SSUH2: variants seen among roughly 807,000 people sequenced by gnomAD.
The protein encoded by SSUH2 is ssu-2 homolog, also known as protein SSUH2 homolog.
A neutral mutation model predicts 55.3 loss-of-function variants in SSUH2; 47 were observed. The observed-to-expected ratio is 0.85, with a 90% CI of 0.67 to 1.08. The LOEUF (loss-of-function observed/expected upper bound fraction) is 1.08. Ranked by LOEUF, SSUH2 falls within the 50% of genes least tolerant of loss-of-function variation. The pLI, the probability that SSUH2 is intolerant of heterozygous loss-of-function variation, is 0.00. For missense variants in SSUH2, 535 were observed against 490.7 expected (o/e 1.09, Z -0.85); for synonymous variants, 212 against 191.5 (o/e 1.11, Z -0.89).
chr3:8,651,079 T>G (rs531985516), intron 7 of SSUH2, among the ~76,000 whole-genome samples: 1 of 152,374 alleles, frequency 6.6e-6, no homozygotes, highest in Admixed American at 6.5e-5. Flanking sequence ...TCCTTCCTAC[T>G]AATCTGATCC....
intron 7 of SSUH2, among the ~76,000 whole-genome samples, chr3:8,654,335 T>C (rs75079742): frequency 1.3e-3 from 191 of 152,326 alleles, no homozygotes; most frequent in African/African-American, 4.4e-3. Flanking sequence ...CAGATGAATT[T>C]TCAACAAAAG....
intron 7 of SSUH2, among the ~76,000 whole-genome samples, chr3:8,652,913 C>T (rs1398791511): frequency 6.6e-6 from 1 of 152,200 alleles, no homozygotes; most frequent in Non-Finnish European, 1.5e-5. Flanking sequence ...GACTGACTCC[C>T]CCTTTCCCTC....
At chr3:8,657,258 G>GC (rs1201968491) in intron 7 of SSUH2, among the ~76,000 whole-genome samples, 29 of 152,228 alleles carry the variant, frequency 1.9e-4, no homozygotes, top group Middle Eastern at 6.8e-3. Flanking sequence ...AGCATCTCAG[G>GC]CATCTTCACA....
At chr3:8,677,025 TG>T (rs1705425085) in intron 3 of SSUH2, among the ~76,000 whole-genome samples, 1 of 134,290 alleles carries the variant, frequency 7.4e-6, no homozygotes, top group African/African-American at 2.9e-5. Flanking sequence ...TCCATCGCGG[TG>T]GGGGGAGGAA....
chr3:8,645,259 G>A (rs1269191813), upstream of SSUH2, among the ~76,000 whole-genome samples: 1 of 152,204 alleles, frequency 6.6e-6, no homozygotes, highest in Non-Finnish European at 1.5e-5. Context: ...GGGCCTCTGA[G>A]ATCTTGAGCA....
chr3:8,654,656 T>C (rs1242999182), intron 7 of SSUH2, among the ~76,000 whole-genome samples: 2 of 152,224 alleles, frequency 1.3e-5, no homozygotes, highest in African/African-American at 4.8e-5. Context: ...AATATCTCAA[T>C]GTCTCAGTGG....
intron 7 of SSUH2, among the ~76,000 whole-genome samples, chr3:8,654,692 C>T (rs945890017): frequency 1.1e-4 from 16 of 151,160 alleles, no homozygotes; most frequent in African/African-American, 3.4e-4. Context: ...TCTCAGTGTG[C>T]GGCCACTCCA....
At chr3:8,663,735 C>A (rs377445644) in intron 6 of SSUH2, 2 of 452,168 alleles carry the variant, frequency 4.4e-6, no homozygotes, top group East Asian at 7.0e-5. Flanking sequence ...GGTCCATAGA[C>A]GCTCTTACCT....
chr3:8,681,612 T>C (rs1257679087), intron 1 of SSUH2, among the ~76,000 whole-genome samples: 8 of 143,794 alleles, frequency 5.6e-5, no homozygotes, highest in Admixed American at 1.4e-4. Flanking sequence ...TTCCCCCGGC[T>C]CTTGGGACCC....
intron 6 of SSUH2, among the ~76,000 whole-genome samples, chr3:8,661,096 C>T (rs903123191): frequency 2.0e-5 from 3 of 152,236 alleles, no homozygotes; most frequent in South Asian, 2.1e-4. Flanking sequence ...TGTCTGACGC[C>T]GAAGTCCATG....
At chr3:8,668,530 T>C (rs1197071008) in intron 5 of SSUH2, among the ~76,000 whole-genome samples, 1 of 152,358 alleles carries the variant, frequency 6.6e-6, no homozygotes, top group South Asian at 2.1e-4. Context: ...TCAAAGAATT[T>C]CAACTATGCT....
In SSUH2 at chr3:8,649,820, C is replaced by A. The variant is rs528483003; in HGVS notation, c.-307+9105G>T. Reference sequence around the variant, plus strand: ...CTCAATTCAGAACTCAGACTGATCCCTCTACACCTGTAAGTCAGGAGACAG... The same window carrying A: ...CTCAATTCAGAACTCAGACTGATCCATCTACACCTGTAAGTCAGGAGACAG... On this transcript the variant is annotated intron_variant, in intron 7 of 18. Transcript: ENST00000317371. Among the ~76,000 whole-genome samples the A allele has an allele frequency of 1.3e-4, 20 of 152,256 alleles. 1 individual carries two copies. The South Asian group carries it at 2.1e-3, about 16-fold the overall frequency.
At chr3:8,625,788 C>G (rs894695779) in intron 9 of SSUH2, 141 bp from the exon 10 acceptor site, 4 of 610,464 alleles carry the variant, frequency 6.6e-6, no homozygotes, top group Non-Finnish European at 1.2e-5. Context: ...CTCTCTGAGC[C>G]TCAGTCTCCT....
At chr3:8,633,819 C>T (rs1441600165) in intron 3 of SSUH2, 24 bp from the exon 4 acceptor site, 6 of 1,612,490 alleles carry the variant, frequency 3.7e-6, no homozygotes, top group African/African-American at 2.7e-5. Flanking sequence ...AACAGAGAGG[C>T]GGGGGCTTCT....
intron 11 of SSUH2, among the ~76,000 whole-genome samples, chr3:8,620,321 A>G (rs1696154685): frequency 6.6e-6 from 1 of 152,116 alleles, no homozygotes; most frequent in Non-Finnish European, 1.5e-5. Flanking sequence ...TCTCCTGCAC[A>G]TGCTCTCTTC....
At chr3:8,654,667 G>T (rs193279494) in intron 7 of SSUH2, among the ~76,000 whole-genome samples, 1 of 152,346 alleles carries the variant, frequency 6.6e-6, no homozygotes, top group East Asian at 1.9e-4. Context: ...GTCTCAGTGG[G>T]TGTCCTCCCC....
At chr3:8,636,942 C>T (rs965045310) in intron 1 of SSUH2, among the ~76,000 whole-genome samples, 1 of 152,188 alleles carries the variant, frequency 6.6e-6, no homozygotes, top group Non-Finnish European at 1.5e-5. Context: ...CAAACCTAGA[C>T]TCGTCTGACT....
At chr3:8,653,891 C>T (rs1243990591) in intron 7 of SSUH2, among the ~76,000 whole-genome samples, 1 of 152,150 alleles carries the variant, frequency 6.6e-6, no homozygotes, top group African/African-American at 2.4e-5. Context: ...CTCTACCTCC[C>T]GACCCTTCCA....
intron 7 of SSUH2, among the ~76,000 whole-genome samples, chr3:8,657,792 C>T (rs568336327): frequency 6.6e-4 from 101 of 152,296 alleles, no homozygotes; most frequent in African/African-American, 2.2e-3. Flanking sequence ...CTGTAGACTC[C>T]GACACCCTGG....
Sources: gnomAD v4.1 joint callset for allele counts (sites outside exome capture counted in the v4.1 genomes callset) on GRCh38, gnomAD v4.1.1 for gene constraint, MANE v1.5 for transcripts, NCBI Gene and HGNC (gene_info 2026-07-23, HGNC 2026-07-21) for gene names.